Variants in CBFA2T2 observed in about 807,000 individuals in gnomAD.
CBFA2T2 encodes the protein protein CBFA2T2.
Under a neutral mutation model 62.2 loss-of-function variants are expected in CBFA2T2, and 11 were observed. The observed-to-expected ratio is 0.18, with a 90% confidence interval of 0.11 to 0.29. The LOEUF (loss-of-function observed/expected upper bound fraction) is 0.29, where lower values mean the gene tolerates loss of function less well. CBFA2T2 is among the 10% of genes least tolerant of loss of function. The pLI is 1.00. For missense variants in CBFA2T2, 592 were observed against 774.1 expected (o/e 0.76, Z 2.79); for synonymous variants, 295 against 287.5 (o/e 1.03, Z -0.27).
At chr20:33,554,211 G>A (rs209675) in intron 1 of CBFA2T2, among the ~76,000 whole-genome samples, 15,740 of 151,474 alleles carry the variant, frequency 0.1, 2,188 homozygotes, top group African/African-American at 0.3. Context: ...ACAATGAAAA[G>A]CAAATTCACT....
At chr20:33,513,375 T>C (rs1046769030) in intron 1 of CBFA2T2, among the ~76,000 whole-genome samples, 2 of 151,634 alleles carry the variant, frequency 1.3e-5, no homozygotes, top group African/African-American at 4.8e-5. Flanking sequence ...GTTTTTTTTT[T>C]TGAGATAGAG....
chr20:33,518,914 C>T lies in CBFA2T2; in HGVS notation c.34+28613C>T, dbSNP rs1013662497. 4.6e-5 allele frequency among the ~76,000 whole-genome samples: 7 copies of T among 151,596 alleles called. No individual in the cohort carries two copies. The South Asian group carries it at 1.1e-3, about 23-fold the overall frequency. ...TTGGCTGACTGCAACCTCCGTCTCC[C>T]GGGTTCAAGCGATTCTCCTCCCTCA... On this transcript the variant is annotated intron_variant, in intron 1 of 10. Coordinates refer to ENST00000342704, the MANE Select transcript of CBFA2T2 (RefSeq NM_001032999.3).
intron 1 of CBFA2T2, among the ~76,000 whole-genome samples, chr20:33,604,705 G>C (rs573653456): frequency 8.5e-4 from 129 of 152,300 alleles, no homozygotes; most frequent in Admixed American, 2.0e-3. Flanking sequence ...CCTTCCTCAA[G>C]TCTTTGGCAC....
chr20:33,619,496 CA>C lies in CBFA2T2; in HGVS notation c.421-19del, dbSNP rs749818406. On this transcript the variant is annotated intron_variant, in intron 3 of 10. Transcript: ENST00000342704. ...TGGAAGTCCAGTTTTGGAAGTTGAA[CA>C]AGGTTATTTATCTTTTCAGAACTCA... 2.7e-6 allele frequency: 4 copies of C among 1,459,450 alleles called. No homozygotes were observed. The highest frequency in any genetic ancestry group is 3.7e-6 in the Non-Finnish European group (4 of 1,083,758). The allele number at this position is 1,459,450 out of a possible 1,614,324, so 90.4% of individuals were successfully genotyped here.
At chr20:33,632,863 G>A (rs747787415) in intron 8 of CBFA2T2, among the ~76,000 whole-genome samples, 1 of 152,108 alleles carries the variant, frequency 6.6e-6, no homozygotes, top group Non-Finnish European at 1.5e-5. Context: ...GGTTCGAGCA[G>A]TTCTCCTGCC....
At chr20:33,504,403 C>CTTT (rs533648842) in intron 1 of CBFA2T2, among the ~76,000 whole-genome samples, 110 of 117,550 alleles carry the variant, frequency 9.4e-4, no homozygotes, top group African/African-American at 2.8e-3. Context: ...TCATATTTAA[C>CTTT]TTTTTTTTTT....
At chr20:33,642,666 G>T (rs1387839485) in intron 10 of CBFA2T2, among the ~76,000 whole-genome samples, 4 of 152,052 alleles carry the variant, frequency 2.6e-5, no homozygotes, top group African/African-American at 9.7e-5. Flanking sequence ...AAAGAAAAGA[G>T]AATTGTTTTT....
At chr20:33,565,844 A>T (rs999195827) in intron 1 of CBFA2T2, among the ~76,000 whole-genome samples, 1 of 152,216 alleles carries the variant, frequency 6.6e-6, no homozygotes, top group Non-Finnish European at 1.5e-5. Flanking sequence ...CAATAATGCC[A>T]ATAAACTGGA....
At position 33,649,766 on chromosome 20, in the gene CBFA2T2, G is replaced by A. The variant is rs983587033; in HGVS notation, c.*5120G>A. 21 of 152,480 alleles carry A rather than the reference G, an allele frequency of 1.4e-4. No individual in the cohort carries two copies. The highest frequency in any genetic ancestry group is 5.2e-4 in the Admixed American group (8 of 15,270). The allele number at this position is 152,480 out of a possible 1,614,324, so 9.4% of individuals were successfully genotyped here. ...TTCCTGACGAGGCTACAAAGGCTCCGCTCACAAAAGAAAGCCAATAATGTA... is the reference window on the plus strand; with the variant it reads ...TTCCTGACGAGGCTACAAAGGCTCCACTCACAAAAGAAAGCCAATAATGTA... On this transcript the variant is annotated 3_prime_UTR_variant, in exon 11 of 11. Transcript: ENST00000342704.
intron 1 of CBFA2T2, among the ~76,000 whole-genome samples, chr20:33,603,949 C>T (rs1218959670): frequency 6.6e-6 from 1 of 152,130 alleles, no homozygotes; most frequent in Non-Finnish European, 1.5e-5. Context: ...TGGAACATAC[C>T]CTTTCCCATC....
intron 1 of CBFA2T2, among the ~76,000 whole-genome samples, chr20:33,604,704 A>G (rs1035174561): frequency 6.6e-6 from 1 of 152,160 alleles, no homozygotes; most frequent in Non-Finnish European, 1.5e-5. Flanking sequence ...GCCTTCCTCA[A>G]GTCTTTGGCA....
intron 1 of CBFA2T2, among the ~76,000 whole-genome samples, chr20:33,540,446 A>G (rs1287099439): frequency 6.6e-6 from 1 of 152,240 alleles, no homozygotes; most frequent in African/African-American, 2.4e-5. Context: ...TGGTGTTTGT[A>G]TATCTAAACA....
intron 1 of CBFA2T2, among the ~76,000 whole-genome samples, chr20:33,587,234 G>A (rs762035697): frequency 1.3e-5 from 2 of 151,444 alleles, no homozygotes; most frequent in African/African-American, 2.4e-5. Context: ...GTGAGCCACG[G>A]CACCCAGGTT....
intron 1 of CBFA2T2, among the ~76,000 whole-genome samples, chr20:33,525,863 A>G (rs1269438524): frequency 3.3e-5 from 5 of 152,122 alleles, no homozygotes; most frequent in African/African-American, 7.2e-5. Context: ...TTTGTTGCCC[A>G]GGCTGGACTC....
intron 1 of CBFA2T2, among the ~76,000 whole-genome samples, chr20:33,545,046 C>T (rs1158075864): frequency 6.9e-6 from 1 of 145,738 alleles, no homozygotes; most frequent in Non-Finnish European, 1.5e-5. Flanking sequence ...CAGGCAGTCC[C>T]AACTCTCATG....
intron 1 of CBFA2T2, among the ~76,000 whole-genome samples, chr20:33,516,795 T>C (rs1361817069): frequency 6.6e-6 from 1 of 152,252 alleles, no homozygotes; most frequent in Non-Finnish European, 1.5e-5. Flanking sequence ...AATGATACTG[T>C]ACATAATACT....
At chr20:33,638,456 A>G (rs942499048) in intron 9 of CBFA2T2, among the ~76,000 whole-genome samples, 2 of 152,164 alleles carry the variant, frequency 1.3e-5, no homozygotes, top group Non-Finnish European at 2.9e-5. Context: ...AACCGAGATG[A>G]TTATTAATTC....
At chr20:33,499,265 T>C (rs1306231063) in intron 1 of CBFA2T2, among the ~76,000 whole-genome samples, 1 of 152,192 alleles carries the variant, frequency 6.6e-6, no homozygotes, top group Non-Finnish European at 1.5e-5. Flanking sequence ...ATTTCTCACC[T>C]GCCAATTTTG....
chr20:33,528,600 G>GAT (rs756658272), intron 1 of CBFA2T2, among the ~76,000 whole-genome samples: 2 of 152,168 alleles, frequency 1.3e-5, no homozygotes, highest in Non-Finnish European at 2.9e-5. Context: ...TGGAATCAGG[G>GAT]ATATGACTTA....
Sources: gnomAD v4.1 joint callset for allele counts (sites outside exome capture counted in the v4.1 genomes callset) on GRCh38, gnomAD v4.1.1 for gene constraint, MANE v1.5 for transcripts, NCBI Gene and HGNC (gene_info 2026-07-23, HGNC 2026-07-21) for gene names.